Variants in ISM2 observed in about 807,000 individuals in gnomAD.
ISM2 encodes isthmin-2.
A neutral mutation model predicts 58.0 loss-of-function variants in ISM2; 50 were observed. The observed-to-expected ratio is 0.86, with a 90% CI of 0.69 to 1.09. The LOEUF (loss-of-function observed/expected upper bound fraction) is 1.09. Among genes scored for constraint, ISM2 ranks in the 50% least tolerant of loss-of-function variants. The pLI, the probability that ISM2 is intolerant of heterozygous loss-of-function variation, is 0.00. For synonymous variants in ISM2, 303 were observed against 312.4 expected, an observed-to-expected ratio of 0.97 and a Z score of 0.32; for missense variants, 723 against 745.0, an observed-to-expected ratio of 0.97 and a Z score of 0.34.
At chr14:77,482,278 C>T in intron 4 of ISM2, 44 bp downstream of exon 4, 1 of 1,472,304 alleles carries the variant, frequency 6.8e-7, no homozygotes, top group Non-Finnish European at 9.3e-7. Context: ...CCACTCAGTA[C>T]CTACAGGGGA....
intron 1 of ISM2, among the ~76,000 whole-genome samples, chr14:77,486,789 G>A (rs1420396613): frequency 1.3e-5 from 2 of 151,744 alleles, no homozygotes; most frequent in African/African-American, 2.4e-5. Context: ...CTGGGGACAT[G>A]TGGCACTGCC....
At position 77,475,825 on chromosome 14, in the gene ISM2, C is replaced by A. The variant is rs767057953; in HGVS notation, c.1486G>T (p.Glu496Ter). 1.2e-6 allele frequency: 2 copies of A among 1,612,382 alleles called. No individual in the cohort carries two copies. Among genetic ancestry groups the A allele is most frequent in the South Asian group, 2.2e-5 (2 of 91,032 alleles). ...CCACGGGTCAGCAGCCGGCTGTCCT[C>A]GTCATAGCAGCAGTGCTGGGCGGCC... ...TLAAQHCCYD[E>*]DSRLLTRGKG... The change falls in exon 7 of 7, where the codon GAG becomes TAG. Residue 496 changes from glutamate to a stop codon, truncating the protein, a stop_gained. Transcript: ENST00000342219. LOFTEE classifies it high-confidence loss of function. This position sits in a 1 kb window ranked among gnomAD's most constrained non-coding sequence, Gnocchi z 4.1.
intron 3 of ISM2, among the ~76,000 whole-genome samples, chr14:77,483,299 C>T (rs1212849160): frequency 2.0e-5 from 3 of 152,146 alleles, no homozygotes; most frequent in African/African-American, 7.2e-5. Context: ...GTGGCTCACG[C>T]CTGTAATCCC....
chr14:77,490,501 G>A (rs1218284009), intron 1 of ISM2, among the ~76,000 whole-genome samples: 3 of 152,236 alleles, frequency 2.0e-5, no homozygotes, highest in African/African-American at 7.2e-5. Context: ...ATGCAGCCAA[G>A]GATCAGAGAG....
chr14:77,482,629 C>T lies in ISM2; in HGVS notation c.666G>A (p.Val222=). Reference sequence around the variant, plus strand: ...TGGGCTCAGCCAACAGGTCTATCGACACCTCGGCCTGGGGGTCCTCCACCA... The same window carrying T: ...TGGGCTCAGCCAACAGGTCTATCGATACCTCGGCCTGGGGGTCCTCCACCA... ...IKVVEDPQAE[V]SIDLLAEPSN... is the part of the protein sequence containing the mutation. The change falls in exon 4 of 7, where the codon GTG becomes GTA. Residue 222 remains valine, a synonymous_variant. Coordinates refer to ENST00000342219, the MANE Select transcript of ISM2 (RefSeq NM_199296.3). 1 of 1,580,560 alleles carries T rather than the reference C, an allele frequency of 6.3e-7. No individual in the cohort carries two copies. Among genetic ancestry groups the T allele is most frequent in the Non-Finnish European group, 8.6e-7 (1 of 1,164,394 alleles).
Position 77,482,458 on chromosome 14 carries a change from A to G in ISM2, c.837T>C (p.Asp279=). 1 of 1,614,094 alleles carries G rather than the reference A, an allele frequency of 6.2e-7. No individual in the cohort carries two copies. The highest frequency in any genetic ancestry group is 8.5e-7 in the Non-Finnish European group (1 of 1,179,992). Residue 279 remains aspartate, a synonymous_variant, in exon 4 of 7, where the codon GAT becomes GAC. Transcript: ENST00000342219. ...TGTCCTCTTGATCCTCACCCTCGAT[A>G]TCCTCTGAAGGATAGTCCTCGTCTT... ...KEEDEDYPSE[D]IEGEDQEDKE...
chr14:77,486,925 T>G (rs988501799), intron 1 of ISM2, among the ~76,000 whole-genome samples: 2 of 151,506 alleles, frequency 1.3e-5, no homozygotes, highest in East Asian at 3.9e-4. Flanking sequence ...CCAACCCACA[T>G]GTGAATAGTG....
At position 77,493,980 on chromosome 14, in the gene ISM2, T is replaced by C. The variant is rs540989662; in HGVS notation, c.141+4673A>G. On this transcript the variant is annotated intron_variant, in intron 1 of 6. Coordinates refer to ENST00000342219, the MANE Select transcript of ISM2 (RefSeq NM_199296.3). ...TTTTAGTAGAGATGGGGTTTCACCG[T>C]GTTAGCCAGGATGGTCTTGATCTCC... is the stretch of plus-strand genomic sequence containing the variant. Among the ~76,000 whole-genome samples the C allele has an allele frequency of 4.6e-5, 7 of 151,460 alleles. No homozygotes were observed. The South Asian group carries it at 1.5e-3, about 32-fold the overall frequency.
chr14:77,498,379 C>T, intron 1 of ISM2: 2 of 1,319,772 alleles, frequency 1.5e-6, no homozygotes, highest in Non-Finnish European at 2.0e-6. Flanking sequence ...CGTGGAGTGT[C>T]GGCCACCTCA....
rs375626950 is a variant in ISM2 at position 77,475,733 on chromosome 14, G to A, written c.1578C>T (p.Asp526=). 6.2e-6 allele frequency: 10 copies of A among 1,614,000 alleles called. No homozygotes were observed. In the African/African-American group the frequency reaches 1.2e-4, roughly 19 times the overall value. The change falls in exon 7 of 7, where the codon GAC becomes GAT. Residue 526 remains aspartate (D), a synonymous_variant. Transcript: ENST00000342219. This position sits in a 1 kb window ranked among gnomAD's most constrained non-coding sequence, Gnocchi z 4.1. ...CCTTGCACAGGATCCAGGGCGTCGT[G>A]TCGAACTTGAAGTGCAGCTTAGGTG... is the stretch of plus-strand genomic sequence containing the variant. ...DFSPKLHFKF[D]TTPWILCKGD...
At chr14:77,484,954 C>A in intron 1 of ISM2, 35 bp from the exon 2 acceptor site, 2 of 1,517,596 alleles carry the variant, frequency 1.3e-6, no homozygotes, top group South Asian at 1.3e-5. Context: ...GGTAACAGGT[C>A]AGGGCTCACC....
At chr14:77,478,395 C>A in intron 5 of ISM2, 70 bp from the exon 6 acceptor site, 1 of 1,487,138 alleles carries the variant, frequency 6.7e-7, no homozygotes. Context: ...GGGAAACCCC[C>A]CCACCTCAAT....
chr14:77,480,351 T>G (rs924301345), intron 4 of ISM2, among the ~76,000 whole-genome samples: 4 of 151,214 alleles, frequency 2.6e-5, no homozygotes, highest in African/African-American at 9.7e-5. Context: ...AGGGACCCAC[T>G]TCTGATCTGA....
In ISM2 at chr14:77,483,210, G is replaced by A. The variant is rs371517829; in HGVS notation, c.628-543C>T. 2.0e-4 allele frequency among the ~76,000 whole-genome samples: 30 copies of A among 152,248 alleles called. No homozygotes were observed. In the East Asian group the frequency reaches 2.7e-3, roughly 14 times the overall value. ...AGGCTATTCAATAAAGTAACATGAG[G>A]TTCACTGAACAAAATTTGGAAAAAA... On this transcript the variant is annotated intron_variant, in intron 3 of 6. Coordinates refer to ENST00000342219, the MANE Select transcript of ISM2 (RefSeq NM_199296.3).
rs186704439 is a variant in ISM2, at chr14:77,478,397, C to T, written c.1115-72G>A. ...AGTGCCGCTGATGGGGAAACCCCCC[C>T]ACCTCAATAGGCTCTCAGTGCCCAC... On this transcript the variant is annotated intron_variant, in intron 5 of 6. Transcript: ENST00000342219. 1.4e-5 allele frequency: 21 copies of T among 1,477,062 alleles called. No homozygotes were observed. The Admixed American group carries it at 1.6e-4, about 11-fold the overall frequency. The allele number at this position is 1,477,062 out of a possible 1,614,324, so 91.5% of individuals were successfully genotyped here. A position where few individuals can be genotyped will look rare whatever the true frequency, so the allele number is the denominator to read the frequency against.
intron 6 of ISM2, among the ~76,000 whole-genome samples, chr14:77,476,624 C>T (rs557513758): frequency 1.4e-4 from 21 of 152,144 alleles, no homozygotes; most frequent in Non-Finnish European, 2.8e-4. Flanking sequence ...CTATGCTGCT[C>T]TCCTCCCCAT....
chr14:77,481,725 A>G, intron 4 of ISM2, among the ~76,000 whole-genome samples: 1 of 152,176 alleles, frequency 6.6e-6, no homozygotes, highest in East Asian at 1.9e-4. Context: ...CACAGATGTA[A>G]ATAAATATAA....
chr14:77,481,713 C>T (rs973067448), intron 4 of ISM2, among the ~76,000 whole-genome samples: 1 of 151,944 alleles, frequency 6.6e-6, no homozygotes, highest in Non-Finnish European at 1.5e-5. Flanking sequence ...TCCTTGGAAA[C>T]TCACAGATGT....
chr14:77,484,136 T>C (rs2079150687), intron 3 of ISM2, 187 bp downstream of exon 3: 8 of 691,548 alleles, frequency 1.2e-5, no homozygotes, highest in Non-Finnish European at 1.7e-5. Context: ...GGCCCACAGC[T>C]AGAAAGTAGA....
Sources: allele counts gnomAD v4.1 joint callset (sites outside exome capture counted in the v4.1 genomes callset), GRCh38; gene constraint gnomAD v4.1.1; non-coding constraint Gnocchi (gnomAD v3.1); transcripts MANE v1.5; gene names NCBI Gene and HGNC (gene_info 2026-07-23, HGNC 2026-07-21).